DENND5A: variants seen among roughly 807,000 people sequenced by gnomAD.
DENND5A encodes DENN domain containing 5A.
Under a neutral mutation model 140.3 loss-of-function variants are expected in DENND5A, and 64 were observed. That is an observed-to-expected ratio of 0.46 (90% confidence interval 0.37 to 0.56). The LOEUF is 0.56. Ranked by LOEUF, DENND5A falls within the 20% of genes least tolerant of loss-of-function variation. DENND5A has a pLI of 0.00. For synonymous variants in DENND5A, 605 were observed against 607.7 expected (o/e 1.00, Z 0.07); for missense variants, 1,292 against 1,593.8 (o/e 0.81, Z 3.22).
chr11:9,222,538 A>G (rs1298183523), intron 1 of DENND5A, among the ~76,000 whole-genome samples: 1 of 152,226 alleles, frequency 6.6e-6, no homozygotes, highest in African/African-American at 2.4e-5. Flanking sequence ...CATTAGAAGA[A>G]AAAAAGGCAA....
chr11:9,212,105 C>T (rs1439662883), intron 1 of DENND5A, among the ~76,000 whole-genome samples: 1 of 152,028 alleles, frequency 6.6e-6, no homozygotes, highest in Non-Finnish European at 1.5e-5. Flanking sequence ...AAAGAGCTGG[C>T]TGGGCGTGGT....
At chr11:9,154,378 T>C (rs751689702) in intron 12 of DENND5A, among the ~76,000 whole-genome samples, 22 of 152,212 alleles carry the variant, frequency 1.4e-4, no homozygotes, top group Non-Finnish European at 2.8e-4. Flanking sequence ...ACGAGATGCT[T>C]CTGAAAAGAT....
At chr11:9,185,444 A>C (rs1848877709) in intron 5 of DENND5A, among the ~76,000 whole-genome samples, 1 of 152,066 alleles carries the variant, frequency 6.6e-6, no homozygotes, top group African/African-American at 2.4e-5. Context: ...CTCTTCCTTG[A>C]GTGTGTATCC....
chr11:9,170,940 AAAT>A, intron 8 of DENND5A, 163 bp from the exon 9 acceptor site: 3 of 1,202,562 alleles, frequency 2.5e-6, no homozygotes, highest in Non-Finnish European at 3.4e-6. Context: ...AACCCATGCA[AAAT>A]AATATAAAAT....
chr11:9,200,402 T>G (rs1208099177), intron 4 of DENND5A, among the ~76,000 whole-genome samples: 2 of 152,220 alleles, frequency 1.3e-5, no homozygotes, highest in Non-Finnish European at 2.9e-5. Context: ...AGGCTCTAAC[T>G]TCGTATCTTA....
chr11:9,257,432 TAA>T (rs71062819), intron 1 of DENND5A, among the ~76,000 whole-genome samples: 85 of 118,584 alleles, frequency 7.2e-4, no homozygotes, highest in East Asian at 2.4e-3. Context: ...CTCTGTCTCT[TAA>T]AAAAAAAAAA....
At chr11:9,243,080 T>C (rs1175684361) in intron 1 of DENND5A, among the ~76,000 whole-genome samples, 1 of 119,920 alleles carries the variant, frequency 8.3e-6, no homozygotes, top group Non-Finnish European at 1.7e-5. Context: ...ACAGCGAGAC[T>C]CTGTCTCAAA....
chr11:9,174,566 G>A (rs890505782), intron 8 of DENND5A, among the ~76,000 whole-genome samples: 13 of 148,814 alleles, frequency 8.7e-5, no homozygotes, highest in Non-Finnish European at 1.0e-4. Context: ...CAGGCATGGC[G>A]GCACACATCT....
At chr11:9,255,661 C>G (rs187227787) in intron 1 of DENND5A, among the ~76,000 whole-genome samples, 1 of 152,084 alleles carries the variant, frequency 6.6e-6, no homozygotes, top group Non-Finnish European at 1.5e-5. Flanking sequence ...GTCAGGAGTT[C>G]GAGACCAGCC....
chr11:9,216,817 G>A (rs72859647), intron 1 of DENND5A, among the ~76,000 whole-genome samples: 38 of 152,306 alleles, frequency 2.5e-4, no homozygotes, highest in Non-Finnish European at 5.1e-4. Context: ...GCTGCAGTGA[G>A]CTGTGATGGT....
chr11:9,178,997 T>C lies in DENND5A; in HGVS notation c.1532A>G (p.Gln511Arg), dbSNP rs555120596. 2.2e-5 allele frequency: 35 copies of C among 1,614,190 alleles called. No individual in the cohort carries two copies. The African/African-American group carries it at 4.4e-4, about 20-fold the overall frequency. Reference sequence around the variant, plus strand: ...AACTTCCCGGATCTGAATGTTTAGCTGGTAAATCCTGAGTTCTTCTTCATC... The same window carrying C: ...AACTTCCCGGATCTGAATGTTTAGCCGGTAAATCCTGAGTTCTTCTTCATC... ...QCDEEELRIY[Q>R]LNIQIREVFA... The change falls in exon 7 of 23, where the codon CAG (glutamine) becomes CGG (arginine). Residue 511 changes from glutamine (Q) to arginine (R), a missense_variant. Gln to Arg is a conservative substitution (Grantham distance 43, BLOSUM62 1). Around this residue, in one of 4 missense-constraint regions of DENND5A, gnomAD observed 566 missense variants for 650.4 expected, o/e 0.87. Transcript: ENST00000328194.
chr11:9,208,982 G>A (rs1221277517), intron 1 of DENND5A, among the ~76,000 whole-genome samples: 1 of 152,210 alleles, frequency 6.6e-6, no homozygotes, highest in Non-Finnish European at 1.5e-5. Flanking sequence ...GCAAGCCGCT[G>A]ACATAATGAT....
At chr11:9,177,040 A>C in intron 8 of DENND5A, 1 of 399,970 alleles carries the variant, frequency 2.5e-6, no homozygotes, top group Admixed American at 3.0e-5. Flanking sequence ...GAACTGCTTG[A>C]GCCCAAGAGT....
Position 9,160,837 on chromosome 11 carries a change from C to T in DENND5A, c.2312G>A (p.Gly771Asp). ...ATGCCCTAGCTCCACAGCTTCTCGG[C>T]CCATCTTTTCCACCAGCATCCTCTT... is the stretch of plus-strand genomic sequence containing the variant. ...KTKRMLVEKM[G>D]REAVELGHGE... The change falls in exon 12 of 23, where the codon GGC (glycine) becomes GAC (aspartate). Residue 771 changes from glycine to aspartate, a missense_variant. This residue lies in a region of DENND5A where 498 missense variants were observed against 689.7 expected (regional missense o/e 0.72). Coordinates refer to ENST00000328194, the MANE Select transcript of DENND5A (RefSeq NM_015213.4). The T allele has an allele frequency of 6.2e-7, 1 of 1,614,020 alleles. No homozygotes were observed. Among genetic ancestry groups the T allele is most frequent in the Non-Finnish European group, 8.5e-7 (1 of 1,179,872 alleles).
chr11:9,201,041 A>G lies in DENND5A; in HGVS notation c.949+2619T>C, dbSNP rs112376161. Among the ~76,000 whole-genome samples, 1,048 of 152,292 alleles carry G rather than the reference A, an allele frequency of 6.9e-3. 9 individuals are homozygous for G. Among genetic ancestry groups the G allele is most frequent in the African/African-American group, 0.024 (1,005 of 41,546 alleles). ...GCATCAAAATAAATAATTATAGTGA[A>G]TTATAACCTGAGTAAAATAAAAATC... On this transcript the variant is annotated intron_variant, in intron 4 of 22. Coordinates refer to ENST00000328194, the MANE Select transcript of DENND5A (RefSeq NM_015213.4).
chr11:9,207,413 C>G (rs984541735), intron 2 of DENND5A, 148 bp downstream of exon 2: 8 of 586,288 alleles, frequency 1.4e-5, no homozygotes, highest in African/African-American at 1.3e-4. Flanking sequence ...AAGAACCCAC[C>G]ACCTAGAGGG....
At position 9,203,967 on chromosome 11, in the gene DENND5A, A is replaced by G. The variant is rs1041472484; in HGVS notation, c.642T>C (p.Ser214=). ...SKCICLITPM[S]FMKACRSVLE... is the part of the protein sequence containing the mutation. The stretch of plus-strand genomic sequence containing the variant: ...GCACGCTCCGACATGCCTTCATGAA[A>G]GACATGGGTGTGATGAGGCAGATGC... Residue 214 remains serine (S), a synonymous_variant, in exon 4 of 23, where the codon TCT becomes TCC. Coordinates refer to ENST00000328194, the MANE Select transcript of DENND5A (RefSeq NM_015213.4). The G allele has an allele frequency of 1.2e-6, 2 of 1,614,036 alleles. No homozygotes were observed. The highest frequency in any genetic ancestry group is 1.7e-6 in the Non-Finnish European group (2 of 1,180,034).
At chr11:9,206,936 A>G (rs1005776527) in intron 2 of DENND5A, among the ~76,000 whole-genome samples, 154 bp from the exon 3 acceptor site, 1 of 152,224 alleles carries the variant, frequency 6.6e-6, no homozygotes, top group Admixed American at 6.5e-5. Context: ...GAAAGGCATT[A>G]AAGTTATTAG....
chr11:9,256,535 C>T (rs2136299614), intron 1 of DENND5A, among the ~76,000 whole-genome samples: 2 of 152,188 alleles, frequency 1.3e-5, no homozygotes, highest in South Asian at 4.2e-4. Context: ...TATATTCATA[C>T]CATGGCATAT....
Sources: allele counts gnomAD v4.1 joint callset (sites outside exome capture counted in the v4.1 genomes callset), GRCh38; gene constraint gnomAD v4.1.1; regional missense constraint gnomAD v4.1.1; transcripts MANE v1.5; gene names NCBI Gene and HGNC (gene_info 2026-07-23, HGNC 2026-07-21).